The following TRPM7 variants were observed in gnomAD, a reference collection of about 807,000 sequenced individuals.
TRPM7 encodes the protein LTRPC ion channel family member 7.
In TRPM7, 134 loss-of-function variants were observed where a neutral mutation model predicts 229.7. The observed-to-expected ratio is 0.58, with a 90% confidence interval of 0.51 to 0.67. The LOEUF is 0.67. TRPM7 is among the 30% of genes least tolerant of loss of function. The pLI is 0.00. For synonymous variants in TRPM7, 699 were observed against 715.2 expected, an observed-to-expected ratio of 0.98 and a Z score of 0.36; for missense variants, 1,901 against 2,210.0, an observed-to-expected ratio of 0.86 and a Z score of 2.80.
At chr15:50,612,122 T>C (rs745531315) in intron 16 of TRPM7, among the ~76,000 whole-genome samples, 2 of 152,304 alleles carry the variant, frequency 1.3e-5, no homozygotes, top group East Asian at 3.9e-4. Context: ...ACAGGGTCTA[T>C]TGCTGTCACC....
At chr15:50,582,235 A>G (rs1301072869) in intron 29 of TRPM7, among the ~76,000 whole-genome samples, 1 of 152,026 alleles carries the variant, frequency 6.6e-6, no homozygotes, top group African/African-American at 2.4e-5. Context: ...CTGGGATTAC[A>G]GGCATGAGCC....
Position 50,558,160 on chromosome 15 carries a change from G to A in TRPM7, c.*3518C>T, listed in dbSNP as rs2053195200. On this transcript the variant is annotated 3_prime_UTR_variant, in exon 39 of 39. Coordinates refer to ENST00000646667, the MANE Select transcript of TRPM7 (RefSeq NM_017672.6). ...TCTAGACTTAACCCAAGAAGTTAAT[G>A]GAGTAGGTGTGTTTCAGTAAAGTAA... The A allele has an allele frequency of 6.6e-6, 1 of 152,164 alleles. No individual in the cohort carries two copies. The allele number at this position is 152,164 out of a possible 1,614,324, so 9.4% of individuals were successfully genotyped here.
intron 22 of TRPM7, among the ~76,000 whole-genome samples, chr15:50,597,696 A>T (rs2059668692): frequency 1.3e-5 from 2 of 152,178 alleles, no homozygotes; most frequent in South Asian, 4.1e-4. Context: ...CAATCACTTG[A>T]GGTCAGGAGT....
chr15:50,589,319 CAAAAAA>C (rs34653276), intron 27 of TRPM7, among the ~76,000 whole-genome samples: 3 of 81,596 alleles, frequency 3.7e-5, no homozygotes, highest in East Asian at 8.0e-4. Context: ...GACTCCGTCT[CAAAAAA>C]AAAAAAAAAA....
chr15:50,624,978 C>CTTA (rs1242099607), intron 11 of TRPM7, among the ~76,000 whole-genome samples: 1 of 152,156 alleles, frequency 6.6e-6, no homozygotes, highest in African/African-American at 2.4e-5. Context: ...AGCAATACAA[C>CTTA]TTATGTCCTT....
At chr15:50,683,274 TC>T (rs2062282111) in intron 1 of TRPM7, among the ~76,000 whole-genome samples, 1 of 151,688 alleles carries the variant, frequency 6.6e-6, no homozygotes, top group Non-Finnish European at 1.5e-5. Context: ...TTGAAAGATT[TC>T]CCAAAAAGAA....
intron 22 of TRPM7, among the ~76,000 whole-genome samples, chr15:50,597,021 T>A (rs1168477085): frequency 1.3e-5 from 2 of 152,226 alleles, no homozygotes; most frequent in South Asian, 2.1e-4. Context: ...GTGCTGGGAT[T>A]ATACGCATGA....
chr15:50,603,688 G>C, intron 21 of TRPM7, among the ~76,000 whole-genome samples: 1 of 151,928 alleles, frequency 6.6e-6, no homozygotes, highest in South Asian at 2.1e-4. Flanking sequence ...TATACGTGCC[G>C]CATTTTCTTA....
intron 1 of TRPM7, among the ~76,000 whole-genome samples, chr15:50,672,817 G>A (rs2062017806): frequency 6.9e-6 from 1 of 144,204 alleles, no homozygotes; most frequent in Non-Finnish European, 1.5e-5. Context: ...GGCTGAGGCA[G>A]GAGAATCGCT....
chr15:50,651,967 A>G (rs1407376917), intron 3 of TRPM7, among the ~76,000 whole-genome samples: 1 of 152,054 alleles, frequency 6.6e-6, no homozygotes, highest in Non-Finnish European at 1.5e-5. Flanking sequence ...AAAATAACCT[A>G]AACTTCTACC....
At chr15:50,684,822 A>G (rs1360459434) in intron 1 of TRPM7, among the ~76,000 whole-genome samples, 2 of 152,194 alleles carry the variant, frequency 1.3e-5, no homozygotes, top group African/African-American at 2.4e-5. Flanking sequence ...CTAGAGACTG[A>G]AAGAGTTACC....
In TRPM7 at chr15:50,580,898, T is replaced by C. The variant is rs370706273; in HGVS notation, c.4568A>G (p.Gln1523Arg). ...SKAALIPDWLQDRPSNREMPS... is the reference protein window; with the variant it reads ...SKAALIPDWLRDRPSNREMPS... The stretch of plus-strand genomic sequence containing the variant: ...CATTTCTCTGTTTGATGGTCTATCT[T>C]GTAACCAATCCTTCAGTAAAAAAAA... The change falls in exon 30 of 39, where the codon CAA (glutamine) becomes CGA (arginine). Residue 1523 changes from glutamine (Q) to arginine (R), a missense_variant. By Grantham distance (43) the Gln-to-Arg change is conservative. This residue lies in a region of TRPM7 where 533 missense variants were observed against 497.1 expected (regional missense o/e 1.07). Coordinates refer to ENST00000646667, the MANE Select transcript of TRPM7 (RefSeq NM_017672.6). 8.7e-5 allele frequency: 138 copies of C among 1,584,508 alleles called. No homozygotes were observed. Among genetic ancestry groups the C allele is most frequent in the Non-Finnish European group, 1.1e-4 (131 of 1,171,202 alleles).
intron 3 of TRPM7, among the ~76,000 whole-genome samples, chr15:50,654,727 A>G (rs1320394673): frequency 1.3e-5 from 2 of 150,906 alleles, no homozygotes; most frequent in African/African-American, 4.8e-5. Context: ...GGCTGGGCGC[A>G]GTGGCTCACG....
At chr15:50,593,861 C>T in intron 24 of TRPM7, 112 bp from the exon 25 acceptor site, 1 of 1,029,562 alleles carries the variant, frequency 9.7e-7, no homozygotes, top group Non-Finnish European at 1.4e-6. Flanking sequence ...ATCATCTGCA[C>T]TTTTTAAACT....
Position 50,605,060 on chromosome 15 carries a change from T to C in TRPM7, c.2794A>G (p.Ile932Val), listed in dbSNP as rs1328937629. The change falls in exon 21 of 39, where the codon ATA (isoleucine) becomes GTA (valine). Residue 932 changes from isoleucine (I) to valine (V), a missense_variant. Physicochemically the swap from Ile to Val is conservative, Grantham distance 29. Coordinates refer to ENST00000646667, the MANE Select transcript of TRPM7 (RefSeq NM_017672.6). ...DYFNISDTIA[I>V]ISFFIGFGLR... Reference sequence around the variant, plus strand: ...CCAAATCCAATGAAGAAAGAAATTATGGCAATTGTATCACTGATGTTGAAG... The same window carrying C: ...CCAAATCCAATGAAGAAAGAAATTACGGCAATTGTATCACTGATGTTGAAG... 7.4e-6 allele frequency: 12 copies of C among 1,613,774 alleles called. No individual in the cohort carries two copies. Among genetic ancestry groups the C allele is most frequent in the Non-Finnish European group, 7.6e-6 (9 of 1,179,890 alleles).
intron 3 of TRPM7, among the ~76,000 whole-genome samples, chr15:50,652,655 C>A (rs1343326689): frequency 1.9e-5 from 2 of 104,360 alleles, no homozygotes; most frequent in Non-Finnish European, 4.3e-5. Flanking sequence ...CCAAAAAAAT[C>A]GTTTAAGTGG....
chr15:50,612,195 A>C (rs528018919), intron 16 of TRPM7, among the ~76,000 whole-genome samples: 1 of 152,252 alleles, frequency 6.6e-6, no homozygotes, highest in East Asian at 1.9e-4. Context: ...GGCTCAAGTG[A>C]TCCTTCCACC....
At chr15:50,624,434 CA>C in intron 11 of TRPM7, 134 bp from the exon 12 acceptor site, 1 of 705,320 alleles carries the variant, frequency 1.4e-6, no homozygotes. Context: ...AGATGCAACA[CA>C]GTAAAAAGCT....
chr15:50,679,652 C>A (rs1054326636), intron 1 of TRPM7, among the ~76,000 whole-genome samples: 3 of 150,172 alleles, frequency 2.0e-5, no homozygotes, highest in African/African-American at 7.4e-5. Flanking sequence ...TCTCATGCCC[C>A]AGTCTCACAA....
Sources: allele counts gnomAD v4.1 joint callset (sites outside exome capture counted in the v4.1 genomes callset), GRCh38; gene constraint gnomAD v4.1.1; regional missense constraint gnomAD v4.1.1; transcripts MANE v1.5; gene names NCBI Gene and HGNC (gene_info 2026-07-23, HGNC 2026-07-21).